RBM41: variants seen among roughly 807,000 people sequenced by gnomAD.
The protein encoded by RBM41 is RNA binding motif protein 41, also known as RNA-binding protein 41.
In RBM41, 14 loss-of-function variants were observed where a neutral mutation model predicts 30.8. That is an observed-to-expected ratio of 0.45 (90% confidence interval 0.30 to 0.71). The LOEUF is 0.71. Ranked by LOEUF, RBM41 falls within the 30% of genes least tolerant of loss-of-function variation. The pLI, the probability that RBM41 is intolerant of heterozygous loss-of-function variation, is 0.08. For missense variants in RBM41, 276 were observed against 326.3 expected (o/e 0.85, Z 1.19); for synonymous variants, 120 against 110.1 (o/e 1.09, Z -0.56).
chrX:107,106,704 T>C lies in RBM41; in HGVS notation c.595+6693A>G, dbSNP rs1328030134. Among the ~76,000 whole-genome samples the C allele has an allele frequency of 5.4e-5, 6 of 110,492 alleles. No individual in the cohort carries two copies. In the Admixed American group the frequency reaches 5.8e-4, roughly 11 times the overall value. ...CTATGTAGCCATAAAAAATGATGAGTTCATGTCCTTTGTAGGGACATGGAT... is the reference window on the plus strand; with the variant it reads ...CTATGTAGCCATAAAAAATGATGAGCTCATGTCCTTTGTAGGGACATGGAT... On this transcript the variant is annotated intron_variant, in intron 5 of 7. Coordinates refer to ENST00000685964, the MANE Select transcript of RBM41 (RefSeq NM_001324242.2).
intron 5 of RBM41, among the ~76,000 whole-genome samples, chrX:107,105,164 G>T (rs1264873642): frequency 9.0e-6 from 1 of 111,681 alleles, no homozygotes; most frequent in East Asian, 2.8e-4. Context: ...GGCAATTTCA[G>T]CAAAGTCTCA....
In RBM41 at chrX:107,069,320, C is replaced by T. The variant is rs753141203; in HGVS notation, c.1082G>A (p.Gly361Glu). ...SLFARFQEKK[G>E]PPIQFRMMTG... ...CATCATTCGGAATTGAATTGGAGGT[C>T]CTTTTTTCTCCTGGAACCGAGCGAA... The change falls in exon 7 of 8, where the codon GGA becomes GAA. Residue 361 changes from glycine (G) to glutamate (E), a missense_variant. Transcript: ENST00000685964. The T allele has an allele frequency of 8.3e-7, 1 of 1,210,383 alleles. No homozygotes were observed. Among genetic ancestry groups the T allele is most frequent in the Non-Finnish European group, 1.1e-6 (1 of 894,829 alleles).
downstream of RBM41, among the ~76,000 whole-genome samples, chrX:107,056,914 C>T (rs770377347): frequency 9.3e-6 from 1 of 107,841 alleles, no homozygotes; most frequent in East Asian, 2.9e-4. Context: ...AGGGTCTCAC[C>T]TTGTCACCCA....
intron 6 of RBM41, chrX:107,070,033 C>T (rs1935996380): frequency 8.1e-6 from 2 of 246,607 alleles, no homozygotes; most frequent in Non-Finnish European, 1.5e-5. Context: ...GCCAAGAACA[C>T]ACCTGTCACC....
At chrX:107,090,096 C>T in intron 5 of RBM41, among the ~76,000 whole-genome samples, 1 of 111,999 alleles carries the variant, frequency 8.9e-6, no homozygotes. Context: ...CTAATGGAGG[C>T]CGGGCGTGGT....
chrX:107,083,418 C>A (rs1921728748), intron 6 of RBM41, among the ~76,000 whole-genome samples: 1 of 111,009 alleles, frequency 9.0e-6, no homozygotes, highest in Non-Finnish European at 1.9e-5. Flanking sequence ...GTTCTTGGAG[C>A]TTCCCAGATC....
chrX:107,093,701 C>T (rs866464904), intron 5 of RBM41, among the ~76,000 whole-genome samples: 1 of 110,908 alleles, frequency 9.0e-6, no homozygotes, highest in Non-Finnish European at 1.9e-5. Flanking sequence ...AAAGAGTCAA[C>T]TAAACAGAAA....
At chrX:107,093,229 T>C (rs959243206) in intron 5 of RBM41, among the ~76,000 whole-genome samples, 5 of 111,010 alleles carry the variant, frequency 4.5e-5, no homozygotes, top group Non-Finnish European at 9.5e-5. Context: ...TATGGGGTGG[T>C]TGTAATTTTT....
downstream of RBM41, among the ~76,000 whole-genome samples, chrX:107,057,447 T>G (rs1333972842): frequency 8.9e-6 from 1 of 112,225 alleles, no homozygotes; most frequent in Non-Finnish European, 1.9e-5. Context: ...TTGTGGATTT[T>G]CCAGTTTTAC....
Position 107,063,873 on chromosome X carries a change from C to T in RBM41, c.*3654G>A, listed in dbSNP as rs1223261423. Among the ~76,000 whole-genome samples, 4 of 109,920 alleles carry T rather than the reference C, an allele frequency of 3.6e-5. No homozygotes were observed. The highest frequency in any genetic ancestry group is 7.6e-5 in the Non-Finnish European group (4 of 52,755). ...AATCTTTTATATTTCCTTCTTTCTC[C>T]TGGCTCTAGGTTTAGTTTGCTCTTC... On this transcript the variant is annotated 3_prime_UTR_variant, in exon 8 of 8. Transcript: ENST00000685964.
intron 6 of RBM41, chrX:107,070,421 A>T (rs1286165064): frequency 3.2e-6 from 1 of 314,787 alleles, no homozygotes; most frequent in Non-Finnish European, 6.1e-6. Context: ...GAAAACTGGT[A>T]AGTCCTAGGA....
intron 6 of RBM41, among the ~76,000 whole-genome samples, chrX:107,084,935 GT>G (rs1443472482): frequency 8.9e-6 from 1 of 112,111 alleles, no homozygotes; most frequent in Non-Finnish European, 1.9e-5. Context: ...AATTATGTTT[GT>G]GAGTTTCATC....
rs894033420 is a variant in RBM41 at position 107,067,086 on chromosome X, T to A, written c.*441A>T. 2.7e-6 allele frequency: 2 copies of A among 753,214 alleles called. No homozygotes were observed. The highest frequency in any genetic ancestry group is 4.6e-5 in the African/African-American group (2 of 43,780). The allele number at this position is 753,214 out of a possible 1,213,427, so 62.1% of individuals were successfully genotyped here. On this transcript the variant is annotated 3_prime_UTR_variant, in exon 8 of 8. Transcript: ENST00000685964. ...ATGCTTAGGCCTGGGGGTCCTACTC[T>A]TTTATTTACTAGGTGGATGAAATAT... is the stretch of plus-strand genomic sequence containing the variant.
intron 5 of RBM41, among the ~76,000 whole-genome samples, chrX:107,105,526 T>C (rs1329827899): frequency 9.1e-6 from 1 of 109,399 alleles, no homozygotes; most frequent in African/African-American, 3.3e-5. Context: ...TACTTTAAAG[T>C]TCATATGGAA....
intron 5 of RBM41, among the ~76,000 whole-genome samples, chrX:107,104,861 C>T (rs978198483): frequency 1.8e-5 from 2 of 110,628 alleles, no homozygotes; most frequent in Admixed American, 9.7e-5. Flanking sequence ...ATTGATGGGA[C>T]GTACCTCAAA....
At chrX:107,076,670 T>C (rs1197770166) in intron 6 of RBM41, among the ~76,000 whole-genome samples, 1 of 111,394 alleles carries the variant, frequency 9.0e-6, no homozygotes, top group Non-Finnish European at 1.9e-5. Context: ...TTCACAATAT[T>C]GTATTGTACA....
downstream of RBM41, among the ~76,000 whole-genome samples, chrX:107,061,747 G>T (rs759327489): frequency 1.8e-5 from 2 of 108,772 alleles, no homozygotes; most frequent in Non-Finnish European, 3.8e-5. Context: ...CCTGGCCTAC[G>T]AATGTTTCTA....
intron 7 of RBM41, 37 bp from the exon 8 acceptor site, chrX:107,067,730 C>T: frequency 8.8e-7 from 1 of 1,137,466 alleles, no homozygotes; most frequent in African/African-American, 1.8e-5. Context: ...TTACATAGGA[C>T]TTAATAATTC....
intron 5 of RBM41, among the ~76,000 whole-genome samples, chrX:107,093,113 A>G (rs1050080451): frequency 8.9e-6 from 1 of 111,941 alleles, no homozygotes; most frequent in South Asian, 3.7e-4. Context: ...GGATGCATCA[A>G]TAAATAAGGA....
Sources: allele counts gnomAD v4.1 joint callset (sites outside exome capture counted in the v4.1 genomes callset), GRCh38; gene constraint gnomAD v4.1.1; transcripts MANE v1.5; gene names NCBI Gene and HGNC (gene_info 2026-07-23, HGNC 2026-07-21).